Variants in SHQ1 observed in about 807,000 individuals in gnomAD.
SHQ1 encodes the protein SHQ1, H/ACA ribonucleoprotein assembly factor.
Under a neutral mutation model 53.8 loss-of-function variants are expected in SHQ1, and 49 were observed. That is an observed-to-expected ratio of 0.91 (90% CI 0.72 to 1.16). SHQ1 has a LOEUF of 1.16. SHQ1 is among the 50% of genes most tolerant of loss of function. The pLI is 0.00. For synonymous variants in SHQ1, 243 were observed against 251.0 expected, an observed-to-expected ratio of 0.97 and a Z score of 0.30; for missense variants, 738 against 683.1, an observed-to-expected ratio of 1.08 and a Z score of -0.90.
chr3:72,745,363 T>TA (rs562816644), downstream of SHQ1, among the ~76,000 whole-genome samples: 83 of 152,288 alleles, frequency 5.5e-4, no homozygotes, highest in Non-Finnish European at 7.9e-4. Flanking sequence ...TGAAAGGTGA[T>TA]ACCAGCTTAG....
chr3:72,744,132 G>A, the SHQ1 span, among the ~76,000 whole-genome samples: 3 of 152,186 alleles, frequency 2.0e-5, no homozygotes, highest in Admixed American at 6.5e-5. Context: ...GGGGCCCTCT[G>A]GGCTGGTGGT....
intron 10 of SHQ1, among the ~76,000 whole-genome samples, chr3:72,792,704 G>C (rs1268716640): frequency 7.2e-6 from 1 of 138,158 alleles, no homozygotes; most frequent in Non-Finnish European, 1.5e-5. Context: ...AGAATCACTT[G>C]AACTTGGGAG....
intron 4 of SHQ1, among the ~76,000 whole-genome samples, chr3:72,834,308 C>A (rs1017450530): frequency 3.3e-5 from 5 of 152,192 alleles, no homozygotes; most frequent in African/African-American, 1.2e-4. Flanking sequence ...GCGGGCGGAT[C>A]ACCTGAGGTC....
At chr3:72,822,300 T>C (rs1707500250) in intron 6 of SHQ1, among the ~76,000 whole-genome samples, 4 of 152,220 alleles carry the variant, frequency 2.6e-5, no homozygotes. Flanking sequence ...TGAATCACCA[T>C]AATGGCTTTG....
chr3:72,752,778 C>T (rs1054285843), intron 10 of SHQ1, among the ~76,000 whole-genome samples: 30 of 152,092 alleles, frequency 2.0e-4, no homozygotes, highest in African/African-American at 6.3e-4. Flanking sequence ...CTGCCAGCCT[C>T]GGCCTCCCAA....
chr3:72,829,331 C>T (rs892729653), intron 5 of SHQ1, among the ~76,000 whole-genome samples: 3 of 152,130 alleles, frequency 2.0e-5, no homozygotes, highest in African/African-American at 4.8e-5. Context: ...CCCTTTAGTA[C>T]GCTTCTTCTT....
At chr3:72,800,762 T>C (rs1706762477) in intron 9 of SHQ1, among the ~76,000 whole-genome samples, 1 of 152,218 alleles carries the variant, frequency 6.6e-6, no homozygotes, top group Admixed American at 6.5e-5. Context: ...TCTACAGATT[T>C]AAAGTTATTT....
chr3:72,804,056 A>G (rs1007277884), intron 9 of SHQ1, among the ~76,000 whole-genome samples: 1 of 152,096 alleles, frequency 6.6e-6, no homozygotes, highest in Non-Finnish European at 1.5e-5. Context: ...AGTTAGGACT[A>G]TAGGCACACA....
intron 10 of SHQ1, among the ~76,000 whole-genome samples, chr3:72,752,696 T>G (rs1705413939): frequency 1.3e-5 from 2 of 152,084 alleles, no homozygotes; most frequent in Non-Finnish European, 2.9e-5. Context: ...CCAGCTAATT[T>G]TTTTGTATTT....
chr3:72,810,159 T>C (rs769422356), intron 9 of SHQ1, among the ~76,000 whole-genome samples: 254 of 152,290 alleles, frequency 1.7e-3, no homozygotes, highest in Non-Finnish European at 2.6e-3. Flanking sequence ...AGGAGTCATG[T>C]GCCCCAAGAT....
At chr3:72,784,132 T>C (rs1326665288) in intron 10 of SHQ1, among the ~76,000 whole-genome samples, 1 of 128,432 alleles carries the variant, frequency 7.8e-6, no homozygotes, top group Non-Finnish European at 1.7e-5. Context: ...ATAAAAAGTC[T>C]ACCTAAAAAA....
In SHQ1 at chr3:72,821,263, T is replaced by C. The variant is rs116582228; in HGVS notation, c.727+3161A>G. Among the ~76,000 whole-genome samples, 478 of 152,322 alleles carry C rather than the reference T, an allele frequency of 3.1e-3. 5 individuals are homozygous for C. The highest frequency in any genetic ancestry group is 0.011 in the African/African-American group (448 of 41,572). ...CAGGATGTCCCTGCTAGGAAGTTCA[T>C]TGACTATAAATGTTACGTGGTGTCA... On this transcript the variant is annotated intron_variant, in intron 6 of 10. Transcript: ENST00000325599.
chr3:72,771,630 A>G (rs115605346), intron 10 of SHQ1, among the ~76,000 whole-genome samples: 684 of 152,312 alleles, frequency 4.5e-3, no homozygotes, highest in Non-Finnish European at 7.4e-3. Context: ...AAGGGTCTGG[A>G]CCAAAAAATA....
chr3:72,835,195 T>G (rs183286106), intron 4 of SHQ1, among the ~76,000 whole-genome samples: 1 of 152,052 alleles, frequency 6.6e-6, no homozygotes, highest in East Asian at 1.9e-4. Context: ...AAATACCTTT[T>G]GCAACATAAT....
chr3:72,828,381 A>G (rs1707726566), intron 5 of SHQ1, among the ~76,000 whole-genome samples: 1 of 152,172 alleles, frequency 6.6e-6, no homozygotes, highest in East Asian at 1.9e-4. Context: ...AAGGGATACC[A>G]TGATAAAAGG....
chr3:72,727,870 A>G, the SHQ1 span, among the ~76,000 whole-genome samples: 1 of 152,130 alleles, frequency 6.6e-6, no homozygotes, highest in Non-Finnish European at 1.5e-5. Flanking sequence ...TCATCAGCAC[A>G]CACATGCCAC....
At chr3:72,833,941 T>TAG (rs1174791727) in intron 4 of SHQ1, among the ~76,000 whole-genome samples, 1 of 152,176 alleles carries the variant, frequency 6.6e-6, no homozygotes, top group Non-Finnish European at 1.5e-5. Flanking sequence ...TCAAGGGAAA[T>TAG]AACTTAGAGA....
chr3:72,766,037 T>A (rs1705721260), intron 10 of SHQ1, among the ~76,000 whole-genome samples: 1 of 152,116 alleles, frequency 6.6e-6, no homozygotes, highest in Admixed American at 6.6e-5. Flanking sequence ...AACACAGAAC[T>A]CAAAAGGTAG....
the SHQ1 span, among the ~76,000 whole-genome samples, chr3:72,738,036 C>T: frequency 3.9e-5 from 6 of 152,202 alleles, no homozygotes; most frequent in African/African-American, 1.4e-4. Context: ...CCGTGTTCAG[C>T]CACCCTGAGC....
Sources: gnomAD v4.1 joint callset for allele counts (sites outside exome capture counted in the v4.1 genomes callset) on GRCh38, gnomAD v4.1.1 for gene constraint, MANE v1.5 for transcripts, NCBI Gene and HGNC (gene_info 2026-07-23, HGNC 2026-07-21) for gene names.